Variants in KDM2B observed in about 807,000 individuals in gnomAD.
KDM2B encodes lysine-specific demethylase 2B.
In KDM2B, 26 loss-of-function variants were observed where a neutral mutation model predicts 150.0. The ratio of observed to expected loss-of-function variants is 0.17; its 90% CI spans 0.13 to 0.24. The LOEUF is 0.24. KDM2B is among the 10% of genes least tolerant of loss of function. KDM2B has a pLI of 1.00. For synonymous variants in KDM2B, 734 were observed against 729.5 expected (o/e 1.01, Z -0.10); for missense variants, 1,265 against 1,816.9 (o/e 0.70, Z 5.52).
chr12:121,458,799 C>T (rs1878679576), intron 12 of KDM2B, among the ~76,000 whole-genome samples: 3 of 151,578 alleles, frequency 2.0e-5, no homozygotes, highest in Admixed American at 6.6e-5. Flanking sequence ...GAAACTCCAT[C>T]TAAAAAGGCT....
chr12:121,423,555 C>T, the KDM2B span: 9 of 1,613,606 alleles, frequency 5.6e-6, no homozygotes, highest in East Asian at 4.5e-5. The surrounding 1 kb of genome is among the most constrained non-coding windows in gnomAD (Gnocchi z 4.3). Flanking sequence ...TGGTGCGAGC[C>T]GTGCACGTGT....
intron 4 of KDM2B, 97 bp downstream of exon 4, chr12:121,574,450 G>C (rs2136564460): frequency 8.6e-7 from 1 of 1,156,234 alleles, no homozygotes; most frequent in Non-Finnish European, 1.3e-6. Context: ...ACTTTGTTTT[G>C]AGAGGCAGTT....
chr12:121,443,477 C>T, intron 17 of KDM2B: 1 of 600,866 alleles, frequency 1.7e-6, no homozygotes, highest in East Asian at 2.8e-5. Context: ...GGACTCACAG[C>T]TTCCATCCCA....
chr12:121,513,641 C>T lies in KDM2B; in HGVS notation c.1048-239G>A, dbSNP rs1359578537. ...TCATCTCAAAGGTCCCTGAGCTGCA[C>T]GCCCCAGAGGTTGGATGGGGGCCAC... On this transcript the variant is annotated intron_variant, in intron 9 of 22. Transcript: ENST00000377071. This position sits in a 1 kb window ranked among gnomAD's most constrained non-coding sequence, Gnocchi z 5.0. Among the ~76,000 whole-genome samples, 7 of 152,104 alleles carry T rather than the reference C, an allele frequency of 4.6e-5. No individual in the cohort carries two copies. Among genetic ancestry groups the T allele is most frequent in the African/African-American group, 1.7e-4 (7 of 41,426 alleles).
chr12:121,496,132 A>G (rs1555300935), intron 11 of KDM2B, among the ~76,000 whole-genome samples: 1 of 152,002 alleles, frequency 6.6e-6, no homozygotes, highest in African/African-American at 2.4e-5. Context: ...TGCTACCCCA[A>G]ACTATGAAGA....
In KDM2B at chr12:121,444,177, T is replaced by C; in HGVS notation, c.2286A>G (p.Glu762=). The change falls in exon 16 of 23, where the codon GAA becomes GAG. Residue 762 remains glutamate, a synonymous_variant. Transcript: ENST00000377071. The part of the protein sequence containing the change: ...KMNRDNKEGQ[E]PAKRRSECEE... ...CACACTCACTCCTCCGCTTGGCAGGTTCCTGCCCTTCCTTGTTGTCCCGGT... is the reference window on the plus strand; with the variant it reads ...CACACTCACTCCTCCGCTTGGCAGGCTCCTGCCCTTCCTTGTTGTCCCGGT... 1 of 1,612,662 alleles carries C rather than the reference T, an allele frequency of 6.2e-7. No homozygotes were observed. Among genetic ancestry groups the C allele is most frequent in the Non-Finnish European group, 8.5e-7 (1 of 1,180,028 alleles).
At chr12:121,531,276 T>C (rs1887642616) in intron 8 of KDM2B, among the ~76,000 whole-genome samples, 2 of 152,160 alleles carry the variant, frequency 1.3e-5, no homozygotes, top group Non-Finnish European at 2.9e-5. Flanking sequence ...TAAACCCTGC[T>C]ACTTCCAAAT....
rs903080986 is a variant in KDM2B, at chr12:121,518,447, C to A, written c.1047+2538G>T. Among the ~76,000 whole-genome samples the A allele has an allele frequency of 6.6e-6, 1 of 152,230 alleles. No homozygotes were observed. The highest frequency in any genetic ancestry group is 2.4e-5 in the African/African-American group (1 of 41,466). On this transcript the variant is annotated intron_variant, in intron 9 of 22. Coordinates refer to ENST00000377071, the MANE Select transcript of KDM2B (RefSeq NM_032590.5). The surrounding 1 kb of genome is among the most constrained non-coding windows in gnomAD (Gnocchi z 4.4). The stretch of plus-strand genomic sequence containing the variant: ...GCTCCCAGCCCAGTCTGCCCCCAAG[C>A]CCCCGCTGCCAGCCTGCTTCGGTGA...
At position 121,468,437 on chromosome 12, in the gene KDM2B, G is replaced by A. The variant is rs782080181; in HGVS notation, c.1735-15093C>T. 1 of 152,248 alleles carries A rather than the reference G, an allele frequency of 6.6e-6. No individual in the cohort carries two copies. Among genetic ancestry groups the A allele is most frequent in the Non-Finnish European group, 1.5e-5 (1 of 68,078 alleles). 9.4% of individuals were successfully genotyped at this position (152,248 alleles called of 1,614,324 possible). On this transcript the variant is annotated intron_variant, in intron 12 of 22. Coordinates refer to ENST00000377071, the MANE Select transcript of KDM2B (RefSeq NM_032590.5). This position sits in a 1 kb window ranked among gnomAD's most constrained non-coding sequence, Gnocchi z 4.0. ...AAACCAAAGCTAAACACAAGCTAAGGAGGACTTGGCATACATATCATCCAC... is the reference window on the plus strand; with the variant it reads ...AAACCAAAGCTAAACACAAGCTAAGAAGGACTTGGCATACATATCATCCAC...
chr12:121,426,382 G>T (rs943673820), downstream of KDM2B, among the ~76,000 whole-genome samples: 5 of 151,824 alleles, frequency 3.3e-5, no homozygotes, highest in Admixed American at 6.6e-5. Context: ...GGCTTGTTTG[G>T]CAGAGGGCAA....
At chr12:121,435,735 G>A (rs906845372) in intron 22 of KDM2B, among the ~76,000 whole-genome samples, 2 of 152,094 alleles carry the variant, frequency 1.3e-5, no homozygotes, top group Non-Finnish European at 2.9e-5. Flanking sequence ...TACCAATGGC[G>A]GTCCACCCTA....
chr12:121,497,552 C>T (rs968619475), intron 11 of KDM2B, among the ~76,000 whole-genome samples: 2 of 151,314 alleles, frequency 1.3e-5, no homozygotes, highest in Non-Finnish European at 3.0e-5. Context: ...GTGATCCACC[C>T]GCCTCGGCCT....
rs756882369 is a variant in KDM2B, at chr12:121,513,277, A to G, written c.1173T>C (p.Ile391=). 6.2e-7 allele frequency: 1 copy of G among 1,613,060 alleles called. No homozygotes were observed. The highest frequency in any genetic ancestry group is 1.1e-5 in the South Asian group (1 of 91,074). ...GTGGGCTCCCTCCGGTTCACTCACC[A>G]ATAAGCATCGACTCCCTCTGGTATT... ...TQEYQRESML[I]DAPRKPSIDG... The change falls in exon 10 of 23, where the codon ATT becomes ATC. Residue 391 remains isoleucine (I), a splice_region_variant and synonymous_variant. Transcript: ENST00000377071. The surrounding 1 kb of genome is among the most constrained non-coding windows in gnomAD (Gnocchi z 5.0).
intron 4 of KDM2B, among the ~76,000 whole-genome samples, chr12:121,565,891 T>A (rs559596898): frequency 6.6e-6 from 1 of 151,940 alleles, no homozygotes; most frequent in East Asian, 1.9e-4. Flanking sequence ...CCTCCCAAAG[T>A]GCTGGGATTA....
chr12:121,455,147 G>A (rs939850710), intron 12 of KDM2B, among the ~76,000 whole-genome samples: 3 of 152,108 alleles, frequency 2.0e-5, no homozygotes, highest in African/African-American at 4.8e-5. Context: ...CCATCAGCCC[G>A]AGTGGCCCCT....
intron 12 of KDM2B, among the ~76,000 whole-genome samples, chr12:121,483,716 AACACACACAC>A (rs10541701): frequency 6.7e-6 from 1 of 150,322 alleles, no homozygotes; most frequent in Non-Finnish European, 1.5e-5. Context: ...AAACAACAAC[AACACACACAC>A]ACACACACAC....
At chr12:121,423,256 G>A in the KDM2B span, 3 of 626,670 alleles carry the variant, frequency 4.8e-6, no homozygotes, top group African/African-American at 5.5e-5. The surrounding 1 kb of genome is among the most constrained non-coding windows in gnomAD (Gnocchi z 4.3). Context: ...ATTATTTCTT[G>A]TACAACACTG....
intron 11 of KDM2B, among the ~76,000 whole-genome samples, chr12:121,502,760 C>CAAAAAAAAA (rs3080029): frequency 2.2e-5 from 1 of 45,184 alleles, no homozygotes; most frequent in Non-Finnish European, 5.0e-5. Context: ...CCATCTCTAC[C>CAAAAAAAAA]AAAAAAAAAA....
intron 22 of KDM2B, among the ~76,000 whole-genome samples, chr12:121,435,818 G>A (rs187738342): frequency 1.1e-4 from 16 of 152,310 alleles, no homozygotes; most frequent in Admixed American, 2.0e-4. Context: ...AAGATGTGAT[G>A]TCCAGGTTTC....
Sources: allele counts gnomAD v4.1 joint callset (sites outside exome capture counted in the v4.1 genomes callset), GRCh38; gene constraint gnomAD v4.1.1; non-coding constraint Gnocchi (gnomAD v3.1); transcripts MANE v1.5; gene names NCBI Gene and HGNC (gene_info 2026-07-23, HGNC 2026-07-21).